Variants in SPATS1 observed in about 807,000 individuals in gnomAD.
SPATS1 encodes the protein spermatogenesis-associated serine-rich protein 1.
Under a neutral mutation model 33.6 loss-of-function variants are expected in SPATS1, and 23 were observed. That is an observed-to-expected ratio of 0.68 (90% CI 0.49 to 0.97). The LOEUF is 0.97. Ranked by LOEUF, SPATS1 falls within the 50% of genes least tolerant of loss-of-function variation. The pLI, the probability that SPATS1 is intolerant of heterozygous loss-of-function variation, is 0.00. For missense variants in SPATS1, 327 were observed against 361.0 expected (o/e 0.91, Z 0.76); for synonymous variants, 131 against 125.6 (o/e 1.04, Z -0.29).
At chr6:44,352,998 C>A in intron 3 of SPATS1, 125 bp downstream of exon 3, 1 of 1,016,724 alleles carries the variant, frequency 9.8e-7, no homozygotes, top group Non-Finnish European at 1.4e-6. Flanking sequence ...TGTGTGGGTT[C>A]AAATCCCGGT....
rs1175215849 is a variant in SPATS1 at position 44,360,586 on chromosome 6, TC to T, written c.412+18del. On this transcript the variant is annotated intron_variant, in intron 4 of 8. Coordinates refer to ENST00000674044, the MANE Select transcript of SPATS1 (RefSeq NM_001372081.1). ...TTGCAGACGAGTAAGTCACAGACCC[TC>T]CTCCACATGCTTCTGTGCCCCAGGT... 6.2e-7 allele frequency: 1 copy of T among 1,613,594 alleles called. No individual in the cohort carries two copies. Among genetic ancestry groups the T allele is most frequent in the African/African-American group, 1.3e-5 (1 of 74,916 alleles).
chr6:44,359,198 T>A (rs1175469541), intron 3 of SPATS1, among the ~76,000 whole-genome samples: 2 of 152,118 alleles, frequency 1.3e-5, no homozygotes, highest in Non-Finnish European at 2.9e-5. Flanking sequence ...TGGGCTTAAG[T>A]GATCCTCCTA....
At chr6:44,345,763 C>T (rs1256827862) in intron 2 of SPATS1, among the ~76,000 whole-genome samples, 1 of 152,178 alleles carries the variant, frequency 6.6e-6, no homozygotes, top group Non-Finnish European at 1.5e-5. Context: ...TCCAAACATG[C>T]ATTTCATGGC....
chr6:44,360,571 G>A lies in SPATS1; in HGVS notation c.412+1G>A, dbSNP rs137992604. On this transcript the variant is annotated splice_donor_variant, in intron 4 of 8. Transcript: ENST00000674044. LOFTEE classifies it high-confidence loss of function. ...TTCAGCCTGCTTAAGTTGCAGACGA[G>A]TAAGTCACAGACCCTCCTCCACATG... is the stretch of plus-strand genomic sequence containing the variant. The A allele has an allele frequency of 2.5e-6, 4 of 1,613,952 alleles. No homozygotes were observed. Among genetic ancestry groups the A allele is most frequent in the Non-Finnish European group, 3.4e-6 (4 of 1,179,990 alleles).
At chr6:44,366,805 C>A (rs1437007584) in intron 5 of SPATS1, among the ~76,000 whole-genome samples, 4 of 152,162 alleles carry the variant, frequency 2.6e-5, no homozygotes, top group Admixed American at 2.6e-4. Flanking sequence ...GCTACTATTT[C>A]TTGGGTGCTT....
Position 44,377,248 on chromosome 6 carries a change from A to G in SPATS1, c.*185A>G. 1 of 643,074 alleles carries G rather than the reference A, an allele frequency of 1.6e-6. No individual in the cohort carries two copies. Among genetic ancestry groups the G allele is most frequent in the Non-Finnish European group, 2.7e-6 (1 of 369,214 alleles). 39.8% of individuals were successfully genotyped at this position (643,074 alleles called of 1,614,324 possible). On this transcript the variant is annotated 3_prime_UTR_variant, in exon 9 of 9. Transcript: ENST00000674044. Reference sequence around the variant, plus strand: ...TTTACATAAAAGTTGCAAGAATTGTACAACAAACACCTGCATATCCTTCAC... The same window carrying G: ...TTTACATAAAAGTTGCAAGAATTGTGCAACAAACACCTGCATATCCTTCAC...
At chr6:44,351,747 A>C (rs1788259210) in intron 2 of SPATS1, among the ~76,000 whole-genome samples, 1 of 152,158 alleles carries the variant, frequency 6.6e-6, no homozygotes, top group South Asian at 2.1e-4. Flanking sequence ...CTTACTTGTA[A>C]CTGTGGGTGG....
intron 5 of SPATS1, among the ~76,000 whole-genome samples, chr6:44,366,998 A>G (rs1789288841): frequency 6.6e-6 from 1 of 152,190 alleles, no homozygotes; most frequent in South Asian, 2.1e-4. Flanking sequence ...CCAAAGTCCA[A>G]ACTCTTCCCA....
rs550429913 is a variant in SPATS1, at chr6:44,358,359, C to A, written c.288-2087C>A. 6.6e-5 allele frequency among the ~76,000 whole-genome samples: 10 copies of A among 152,298 alleles called. No homozygotes were observed. In the East Asian group the frequency reaches 1.5e-3, roughly 23 times the overall value. On this transcript the variant is annotated intron_variant, in intron 3 of 8. Transcript: ENST00000674044. ...GAAGTGATTGCATTTTCAGCTGACACCTATAATAGTTTGTTGTGGGCCTTT... is the reference window on the plus strand; with the variant it reads ...GAAGTGATTGCATTTTCAGCTGACAACTATAATAGTTTGTTGTGGGCCTTT...
At chr6:44,342,962 C>A in intron 1 of SPATS1, 134 bp from the exon 2 acceptor site, 1 of 1,271,464 alleles carries the variant, frequency 7.9e-7, no homozygotes. Flanking sequence ...GTAAGGCTCC[C>A]GTTTAGAGGC....
chr6:44,363,206 C>A (rs1212320565), intron 5 of SPATS1, among the ~76,000 whole-genome samples: 1 of 151,788 alleles, frequency 6.6e-6, no homozygotes, highest in Non-Finnish European at 1.5e-5. Context: ...CATCTTGGCT[C>A]ACTGCAGTTC....
intron 6 of SPATS1, 111 bp downstream of exon 6, chr6:44,368,610 G>T: frequency 9.5e-7 from 1 of 1,050,326 alleles, no homozygotes; most frequent in Non-Finnish European, 1.3e-6. Context: ...GATGTGATTG[G>T]ATGAAAATTC....
chr6:44,370,979 G>GTTTTTTTTTT (rs532344535), intron 7 of SPATS1, among the ~76,000 whole-genome samples: 5 of 141,692 alleles, frequency 3.5e-5, no homozygotes, highest in Non-Finnish European at 3.1e-5. Flanking sequence ...AAAAAGAAAG[G>GTTTTTTTTTT]TTTTTTTTTT....
At chr6:44,353,469 T>C (rs1230171621) in intron 3 of SPATS1, among the ~76,000 whole-genome samples, 2 of 152,132 alleles carry the variant, frequency 1.3e-5, no homozygotes, top group Admixed American at 1.3e-4. Context: ...CACTTTAACC[T>C]CAAACTCCTG....
intron 2 of SPATS1, among the ~76,000 whole-genome samples, chr6:44,346,582 A>G (rs913446168): frequency 5.3e-5 from 8 of 152,108 alleles, no homozygotes; most frequent in Non-Finnish European, 1.0e-4. Flanking sequence ...CCAGGTCTCC[A>G]TATGTTGCCT....
chr6:44,364,517 T>C (rs958210438), intron 5 of SPATS1, among the ~76,000 whole-genome samples: 1 of 151,632 alleles, frequency 6.6e-6, no homozygotes, highest in Admixed American at 6.6e-5. Flanking sequence ...GTGTATTTCC[T>C]GTGAAGTGGT....
rs933458963 is a variant in SPATS1 at position 44,378,531 on chromosome 6, G to A, written c.*1468G>A. On this transcript the variant is annotated 3_prime_UTR_variant, in exon 9 of 9. Coordinates refer to ENST00000674044, the MANE Select transcript of SPATS1 (RefSeq NM_001372081.1). ...TCATGCCTGTAATCCCAGCACTTTTGGAGGCCGAGGCAGGCGAATCACTTG... is the reference window on the plus strand; with the variant it reads ...TCATGCCTGTAATCCCAGCACTTTTAGAGGCCGAGGCAGGCGAATCACTTG... 9 of 152,206 alleles carry A rather than the reference G, an allele frequency of 5.9e-5. No homozygotes were observed. Among genetic ancestry groups the A allele is most frequent in the Non-Finnish European group, 1.2e-4 (8 of 68,094 alleles). The allele number at this position is 152,206 out of a possible 1,614,324, so 9.4% of individuals were successfully genotyped here. A position where few individuals can be genotyped will look rare whatever the true frequency, so the allele number is the denominator to read the frequency against.
chr6:44,378,228 A>T lies in SPATS1; in HGVS notation c.*1165A>T, dbSNP rs774192780. On this transcript the variant is annotated 3_prime_UTR_variant, in exon 9 of 9. Transcript: ENST00000674044. ...ATTTGGAGGAAAAGGTGAAAACAAA[A>T]GCTGCCTCACAGGCTTTGACACAGT... is the stretch of plus-strand genomic sequence containing the variant. 1 of 152,136 alleles carries T rather than the reference A, an allele frequency of 6.6e-6. No homozygotes were observed. The highest frequency in any genetic ancestry group is 1.5e-5 in the Non-Finnish European group (1 of 68,034). The allele number at this position is 152,136 out of a possible 1,614,324, so 9.4% of individuals were successfully genotyped here. A position where few individuals can be genotyped will look rare whatever the true frequency, so the allele number is the denominator to read the frequency against.
intron 2 of SPATS1, among the ~76,000 whole-genome samples, chr6:44,350,555 A>G (rs1183610229): frequency 1.3e-5 from 2 of 152,192 alleles, no homozygotes; most frequent in African/African-American, 4.8e-5. Flanking sequence ...GAGGATTTTG[A>G]AGGGAGGGAG....
Sources: allele counts gnomAD v4.1 joint callset (sites outside exome capture counted in the v4.1 genomes callset), GRCh38; gene constraint gnomAD v4.1.1; transcripts MANE v1.5; gene names NCBI Gene and HGNC (gene_info 2026-07-23, HGNC 2026-07-21).